Variants in IQCH observed in about 807,000 individuals in gnomAD.
The protein encoded by IQCH is IQ domain-containing protein H.
Under a neutral mutation model 117.0 loss-of-function variants are expected in IQCH, and 98 were observed. The observed-to-expected ratio is 0.84, with a 90% CI of 0.71 to 0.99. IQCH has a LOEUF of 0.99. Ranked by LOEUF, IQCH falls within the 50% of genes least tolerant of loss-of-function variation. The pLI is 0.00. For synonymous variants in IQCH, 412 were observed against 448.2 expected, an observed-to-expected ratio of 0.92 and a Z score of 1.02; for missense variants, 1,102 against 1,243.8, an observed-to-expected ratio of 0.89 and a Z score of 1.72.
intron 1 of IQCH, among the ~76,000 whole-genome samples, chr15:67,260,952 C>T (rs1280789172): frequency 1.3e-5 from 2 of 151,852 alleles, no homozygotes; most frequent in Non-Finnish European, 2.9e-5. Context: ...AAAAATTAGC[C>T]GGGTGTGGTG....
intron 8 of IQCH, chr15:67,371,545 T>A: frequency 6.9e-7 from 1 of 1,450,398 alleles, no homozygotes. Flanking sequence ...TGATAACATA[T>A]AACATAATGT....
chr15:67,430,822 G>A lies in IQCH; in HGVS notation c.2505+9245G>A, dbSNP rs2082003857. On this transcript the variant is annotated intron_variant, in intron 16 of 20. Coordinates refer to ENST00000335894, the MANE Select transcript of IQCH (RefSeq NM_001031715.3). The surrounding 1 kb of genome is among the most constrained non-coding windows in gnomAD (Gnocchi z 5.1). Reference sequence around the variant, plus strand: ...AAAGACATGGAAGTGCCTGCCCTTAGGGAGTTCACATTCTAGTTGGGAAGA... The same window carrying A: ...AAAGACATGGAAGTGCCTGCCCTTAAGGAGTTCACATTCTAGTTGGGAAGA... 6.6e-6 allele frequency among the ~76,000 whole-genome samples: 1 copy of A among 152,208 alleles called. No homozygotes were observed. The highest frequency in any genetic ancestry group is 6.5e-5 in the Admixed American group (1 of 15,280).
At chr15:67,335,728 A>G (rs1052911270) in intron 4 of IQCH, among the ~76,000 whole-genome samples, 1 of 152,148 alleles carries the variant, frequency 6.6e-6, no homozygotes, top group Non-Finnish European at 1.5e-5. Flanking sequence ...CGAGGCTGGT[A>G]GCACCTCCCT....
intron 16 of IQCH, among the ~76,000 whole-genome samples, chr15:67,441,122 CAAAAAAAA>C (rs200254535): frequency 4.1e-4 from 22 of 54,012 alleles, no homozygotes; most frequent in African/African-American, 7.1e-4. Flanking sequence ...GCAATAGCTG[CAAAAAAAA>C]AAAAAAAAAA....
chr15:67,262,046 C>T (rs1041041193), intron 2 of IQCH, among the ~76,000 whole-genome samples: 3 of 151,880 alleles, frequency 2.0e-5, no homozygotes, highest in Admixed American at 6.6e-5. Flanking sequence ...CCTTGATTTC[C>T]CCACTGCATT....
Position 67,395,994 on chromosome 15 carries a change from G to A in IQCH, c.1905+431G>A, listed in dbSNP as rs1971458155. Among the ~76,000 whole-genome samples, 1 of 152,058 alleles carries A rather than the reference G, an allele frequency of 6.6e-6. No homozygotes were observed. The highest frequency in any genetic ancestry group is 6.6e-5 in the Admixed American group (1 of 15,242). ...CTGAGGGAATCTACTTTAGAACTTT[G>A]TGTTTTAAAGTATTTTCCTGTTAGT... On this transcript the variant is annotated intron_variant, in intron 13 of 20. Transcript: ENST00000335894. The surrounding 1 kb of genome is among the most constrained non-coding windows in gnomAD (Gnocchi z 4.0).
chr15:67,383,369 T>G (rs994966069), intron 10 of IQCH, among the ~76,000 whole-genome samples: 22 of 152,210 alleles, frequency 1.4e-4, no homozygotes, highest in African/African-American at 4.8e-4. Context: ...AACACTGGAA[T>G]GGAACACAGA....
chr15:67,372,588 C>G lies in IQCH; in HGVS notation c.1231C>G (p.His411Asp). ...TGCCATTGCTTGGCTGTTATATTGC[C>G]ATAAGACTCGACTAAAGAAGATACT... ...VIAIAWLLYC[H>D]KTRLKKILKE... is the part of the protein sequence containing the mutation. The change falls in exon 9 of 21, where the codon CAT becomes GAT. Residue 411 changes from histidine to aspartate, a missense_variant. His to Asp is a moderately conservative substitution (Grantham distance 81, BLOSUM62 -1). This residue lies in a region of IQCH where 650 missense variants were observed against 794.3 expected (regional missense o/e 0.82). Coordinates refer to ENST00000335894, the MANE Select transcript of IQCH (RefSeq NM_001031715.3). The G allele has an allele frequency of 6.2e-7, 1 of 1,614,000 alleles. No homozygotes were observed. Among genetic ancestry groups the G allele is most frequent in the Non-Finnish European group, 8.5e-7 (1 of 1,179,962 alleles).
chr15:67,424,530 A>G lies in IQCH; in HGVS notation c.2505+2953A>G, dbSNP rs1363273233. Among the ~76,000 whole-genome samples, 2 of 152,062 alleles carry G rather than the reference A, an allele frequency of 1.3e-5. No homozygotes were observed. The highest frequency in any genetic ancestry group is 6.6e-5 in the Admixed American group (1 of 15,266). ...GTGCTGTGTTTCTTTTTGCTCCCCC[A>G]CTGTATTCTCAGCACTTACTTCTGT... On this transcript the variant is annotated intron_variant, in intron 16 of 20. Coordinates refer to ENST00000335894, the MANE Select transcript of IQCH (RefSeq NM_001031715.3). The surrounding 1 kb of genome is among the most constrained non-coding windows in gnomAD (Gnocchi z 4.9).
rs1182841441 is a variant in IQCH, at chr15:67,376,839, C to A, written c.1372+3406C>A. Among the ~76,000 whole-genome samples the A allele has an allele frequency of 1.3e-5, 2 of 151,816 alleles. No homozygotes were observed. Among genetic ancestry groups the A allele is most frequent in the Non-Finnish European group, 2.9e-5 (2 of 67,972 alleles). On this transcript the variant is annotated intron_variant, in intron 10 of 20. Transcript: ENST00000335894. This position sits in a 1 kb window ranked among gnomAD's most constrained non-coding sequence, Gnocchi z 5.0. ...AACCTCTTTGAAAGGAGGACTTAGGCCAGGTGTGATGGCTCACGCCTGTAA... is the reference window on the plus strand; with the variant it reads ...AACCTCTTTGAAAGGAGGACTTAGGACAGGTGTGATGGCTCACGCCTGTAA...
intron 6 of IQCH, among the ~76,000 whole-genome samples, chr15:67,350,658 C>A (rs1309067919): frequency 6.6e-6 from 1 of 152,128 alleles, no homozygotes; most frequent in African/African-American, 2.4e-5. Flanking sequence ...AATCTCCTGA[C>A]CTCGTGATCC....
At chr15:67,380,624 A>ATTTT (rs1321798842) in intron 10 of IQCH, among the ~76,000 whole-genome samples, 1 of 152,174 alleles carries the variant, frequency 6.6e-6, no homozygotes, top group Non-Finnish European at 1.5e-5. Context: ...GTGTCTTCTT[A>ATTTT]TTTTTCTACC....
rs779906669 is a variant in IQCH, at chr15:67,357,362, C to G, written c.655C>G (p.Arg219Gly). Residue 219 changes from arginine (R) to glycine (G), a missense_variant, in exon 7 of 21, where the codon CGG (arginine) becomes GGG (glycine). Around this residue, in one of 2 missense-constraint regions of IQCH, gnomAD observed 452 missense variants for 449.6 expected, o/e 1.01. Coordinates refer to ENST00000335894, the MANE Select transcript of IQCH (RefSeq NM_001031715.3). ...IPTVATFTIP[R>G]EPPPSPAEVK... The stretch of plus-strand genomic sequence containing the variant: ...ATCCACAGCCACTTTCACTATACCT[C>G]GGGAACCACCTCCATCTCCAGCAGA... 6.2e-7 allele frequency: 1 copy of G among 1,609,600 alleles called. No individual in the cohort carries two copies. Among genetic ancestry groups the G allele is most frequent in the East Asian group, 2.2e-5 (1 of 44,866 alleles).
intron 10 of IQCH, among the ~76,000 whole-genome samples, chr15:67,383,486 A>C (rs1366602161): frequency 6.6e-6 from 1 of 152,124 alleles, no homozygotes; most frequent in African/African-American, 2.4e-5. Flanking sequence ...TTTTATCTTT[A>C]CTTTTGAAAG....
chr15:67,353,421 G>T (rs946377311), intron 6 of IQCH, among the ~76,000 whole-genome samples: 2 of 150,482 alleles, frequency 1.3e-5, no homozygotes, highest in Non-Finnish European at 2.9e-5. Flanking sequence ...GTGCAATGGC[G>T]TGATCTCAGC....
intron 12 of IQCH, among the ~76,000 whole-genome samples, chr15:67,392,327 A>G (rs561111148): frequency 1.3e-5 from 2 of 152,274 alleles, no homozygotes. Flanking sequence ...ACATGTCTTC[A>G]TTGGAATAAT....
At chr15:67,412,339 CTTG>C (rs1218087523) in intron 14 of IQCH, among the ~76,000 whole-genome samples, 1 of 152,144 alleles carries the variant, frequency 6.6e-6, no homozygotes, top group Non-Finnish European at 1.5e-5. Context: ...CGTCCATCAC[CTTG>C]TTGTTACTCA....
At chr15:67,340,302 C>A (rs966881206) in intron 5 of IQCH, among the ~76,000 whole-genome samples, 3 of 151,644 alleles carry the variant, frequency 2.0e-5, no homozygotes, top group Admixed American at 6.6e-5. Flanking sequence ...ATGGCGGGCA[C>A]CTGTAATCCC....
rs1231044459 is a variant in IQCH, at chr15:67,467,735, A to T, written c.2676+2438A>T. Among the ~76,000 whole-genome samples, 1 of 152,228 alleles carries T rather than the reference A, an allele frequency of 6.6e-6. No individual in the cohort carries two copies. The highest frequency in any genetic ancestry group is 1.5e-5 in the Non-Finnish European group (1 of 68,046). The stretch of plus-strand genomic sequence containing the variant: ...CTTCCTGAACAAGTGTGAACAGACT[A>T]TGATGCCGTCAAGTTTATGATCAGG... On this transcript the variant is annotated intron_variant, in intron 17 of 20. Coordinates refer to ENST00000335894, the MANE Select transcript of IQCH (RefSeq NM_001031715.3). The surrounding 1 kb of genome is among the most constrained non-coding windows in gnomAD (Gnocchi z 5.7).
Sources: gnomAD v4.1 joint callset for allele counts (sites outside exome capture counted in the v4.1 genomes callset) on GRCh38, gnomAD v4.1.1 for gene constraint, gnomAD v4.1.1 regional missense constraint, Gnocchi (gnomAD v3.1) non-coding constraint, MANE v1.5 for transcripts, NCBI Gene and HGNC (gene_info 2026-07-23, HGNC 2026-07-21) for gene names.